Variants in MYO1D observed in about 807,000 individuals in gnomAD.
MYO1D encodes myosin ID, also known as unconventional myosin-Id.
In MYO1D, 83 loss-of-function variants were observed where a neutral mutation model predicts 122.0. That is an observed-to-expected ratio of 0.68 (90% CI 0.57 to 0.82). The LOEUF (loss-of-function observed/expected upper bound fraction) is 0.82, where lower values mean the gene tolerates loss of function less well. Among genes scored for constraint, MYO1D ranks in the 40% least tolerant of loss-of-function variants. MYO1D has a pLI of 0.00. For missense variants in MYO1D, 1,157 were observed against 1,269.5 expected (o/e 0.91, Z 1.35); for synonymous variants, 464 against 446.9 (o/e 1.04, Z -0.48).
At chr17:32,735,081 A>AACACACACACAC (rs371150333) in intron 14 of MYO1D, among the ~76,000 whole-genome samples, 93 of 138,106 alleles carry the variant, frequency 6.7e-4, no homozygotes, top group African/African-American at 1.5e-3. Context: ...ATTCCATCTG[A>AACACACACACAC]ACACACACAC....
intron 21 of MYO1D, among the ~76,000 whole-genome samples, chr17:32,561,405 AGTGGCTGGGTGTG>A (rs1446885024): frequency 2.0e-5 from 3 of 151,788 alleles, no homozygotes; most frequent in African/African-American, 7.3e-5. Flanking sequence ...AAATTTGGAA[AGTGGCTGGGTGTG>A]GTGGCTCATG....
intron 15 of MYO1D, among the ~76,000 whole-genome samples, chr17:32,712,753 T>G (rs2089395043): frequency 6.6e-6 from 1 of 152,214 alleles, no homozygotes; most frequent in Non-Finnish European, 1.5e-5. Context: ...CATTTCTACA[T>G]ACGAGCAGTC....
intron 1 of MYO1D, among the ~76,000 whole-genome samples, chr17:32,874,916 T>G (rs4506954): frequency 0.03 from 4,584 of 152,300 alleles, 153 homozygotes; most frequent in East Asian, 0.19. Context: ...TCTAAGTGCC[T>G]TCCCTCAATT....
chr17:32,642,195 C>A (rs1229135592), intron 19 of MYO1D, among the ~76,000 whole-genome samples: 1 of 152,200 alleles, frequency 6.6e-6, no homozygotes, highest in African/African-American at 2.4e-5. Flanking sequence ...GGAATCCTTT[C>A]CCCATTTCTT....
chr17:32,863,228 C>T (rs955494185), intron 1 of MYO1D, among the ~76,000 whole-genome samples: 1 of 152,200 alleles, frequency 6.6e-6, no homozygotes, highest in African/African-American at 2.4e-5. Context: ...AATTCAAATA[C>T]CAAGGGCAGT....
At chr17:32,821,986 A>G (rs1449460934) in intron 1 of MYO1D, among the ~76,000 whole-genome samples, 4 of 152,250 alleles carry the variant, frequency 2.6e-5, no homozygotes, top group Admixed American at 2.6e-4. Context: ...GGGATCTAGA[A>G]CTAGAAATAC....
intron 16 of MYO1D, among the ~76,000 whole-genome samples, chr17:32,688,423 T>C (rs2089048967): frequency 6.6e-6 from 1 of 152,206 alleles, no homozygotes; most frequent in East Asian, 1.9e-4. Context: ...TTGTTCCTGC[T>C]TCCCTTTGAC....
At chr17:32,783,177 AAGC>A (rs1274900985) in intron 1 of MYO1D, among the ~76,000 whole-genome samples, 1 of 152,104 alleles carries the variant, frequency 6.6e-6, no homozygotes, top group Non-Finnish European at 1.5e-5. Context: ...AAATGAAGAA[AAGC>A]AGCAGAAGAA....
At chr17:32,837,353 G>T (rs1184919494) in intron 1 of MYO1D, among the ~76,000 whole-genome samples, 2 of 145,734 alleles carry the variant, frequency 1.4e-5, no homozygotes, top group African/African-American at 5.1e-5. Flanking sequence ...ATATTATATA[G>T]GACCATAATA....
chr17:32,826,591 A>T lies in MYO1D; in HGVS notation c.96-45807T>A, dbSNP rs183829888. Among the ~76,000 whole-genome samples the T allele has an allele frequency of 7.9e-5, 12 of 152,342 alleles. No homozygotes were observed. The East Asian group carries it at 2.3e-3, about 29-fold the overall frequency. On this transcript the variant is annotated intron_variant, in intron 1 of 21. Transcript: ENST00000318217. ...TTGACATTTAATAAAACTGAATACAATGTAATTTATACAGGTGACACCACA... is the reference window on the plus strand; with the variant it reads ...TTGACATTTAATAAAACTGAATACATTGTAATTTATACAGGTGACACCACA...
chr17:32,540,923 CA>C (rs33945323), intron 21 of MYO1D, among the ~76,000 whole-genome samples: 17,563 of 83,940 alleles, frequency 0.21, 892 homozygotes, highest in African/African-American at 0.32. Context: ...GACTTCGTCT[CA>C]AAAAAAAAAA....
chr17:32,555,750 CCA>C (rs1323445569), intron 21 of MYO1D, among the ~76,000 whole-genome samples: 3 of 152,216 alleles, frequency 2.0e-5, no homozygotes, highest in Non-Finnish European at 4.4e-5. Flanking sequence ...CCTCCTCACA[CCA>C]CGTGCAAAGC....
chr17:32,620,546 AC>A lies in MYO1D; in HGVS notation c.2710-15306del, dbSNP rs1261132110. 7.4e-5 allele frequency among the ~76,000 whole-genome samples: 11 copies of A among 148,706 alleles called. No individual in the cohort carries two copies. The South Asian group carries it at 1.7e-3, about 23-fold the overall frequency. The stretch of plus-strand genomic sequence containing the variant: ...AGGAGGCAAAAAGAAAAGCCAGGGA[AC>A]CCCCCCCTGCCAAGTTCCTCCAGAG... On this transcript the variant is annotated intron_variant, in intron 20 of 21. Transcript: ENST00000318217.
At chr17:32,671,181 C>T (rs74533852) in intron 16 of MYO1D, among the ~76,000 whole-genome samples, 1 of 152,222 alleles carries the variant, frequency 6.6e-6, no homozygotes, top group Non-Finnish European at 1.5e-5. Context: ...GAGTCATAGG[C>T]ACCCCTGCCT....
chr17:32,767,109 A>G (rs551365527), intron 7 of MYO1D, among the ~76,000 whole-genome samples: 1 of 152,338 alleles, frequency 6.6e-6, no homozygotes, highest in South Asian at 2.1e-4. Flanking sequence ...ATAAATGTTA[A>G]TGAAAGAAAT....
At chr17:32,850,886 C>G (rs1282875111) in intron 1 of MYO1D, among the ~76,000 whole-genome samples, 1 of 151,962 alleles carries the variant, frequency 6.6e-6, no homozygotes, top group African/African-American at 2.4e-5. Flanking sequence ...ATAAACCTCC[C>G]TGTACCTACT....
chr17:32,542,602 G>A (rs1370943354), intron 21 of MYO1D, among the ~76,000 whole-genome samples: 1 of 144,876 alleles, frequency 6.9e-6, no homozygotes, highest in Non-Finnish European at 1.5e-5. Context: ...AAACCCTGTA[G>A]GAGGTAACGC....
chr17:32,851,031 T>C (rs562097213), intron 1 of MYO1D, among the ~76,000 whole-genome samples: 3 of 151,988 alleles, frequency 2.0e-5, no homozygotes, highest in Non-Finnish European at 2.9e-5. Flanking sequence ...AAAACTCAGG[T>C]TGACCAATTG....
intron 1 of MYO1D, among the ~76,000 whole-genome samples, chr17:32,866,319 A>G (rs918511180): frequency 6.6e-6 from 1 of 152,230 alleles, no homozygotes; most frequent in African/African-American, 2.4e-5. Flanking sequence ...CTAGACCCAA[A>G]GATAAACCAG....
Sources: allele counts gnomAD v4.1 joint callset (sites outside exome capture counted in the v4.1 genomes callset), GRCh38; gene constraint gnomAD v4.1.1; transcripts MANE v1.5; gene names NCBI Gene and HGNC (gene_info 2026-07-23, HGNC 2026-07-21).